Variants in DOK7 observed in about 807,000 individuals in gnomAD.
The protein encoded by DOK7 is docking protein 7, also known as protein Dok-7.
DOK7 carries 32 observed loss-of-function variants against 30.7 expected under a neutral mutation model. That is an observed-to-expected ratio of 1.04 (90% CI 0.79 to 1.40). The LOEUF (loss-of-function observed/expected upper bound fraction) is 1.40. Ranked by LOEUF, DOK7 falls within the 40% of genes most tolerant of loss-of-function variation. The pLI is 0.00. For missense variants in DOK7, 1,007 were observed against 699.2 expected, an observed-to-expected ratio of 1.44 and a Z score of -4.97; for synonymous variants, 447 against 324.1, an observed-to-expected ratio of 1.38 and a Z score of -4.07.
chr4:3,485,857 G>A (rs770732525), intron 5 of DOK7, among the ~76,000 whole-genome samples, 199 bp downstream of exon 5: 116 of 152,272 alleles, frequency 7.6e-4, no homozygotes, highest in Admixed American at 2.0e-3. Flanking sequence ...AGAGCAGCGG[G>A]GGCTGGGCTC....
At chr4:3,486,663 G>A (rs986598533) in intron 5 of DOK7, among the ~76,000 whole-genome samples, 2 of 151,016 alleles carry the variant, frequency 1.3e-5, no homozygotes, top group South Asian at 2.1e-4. Flanking sequence ...TGGTGCAGCT[G>A]CACCCCTGTA....
At chr4:3,474,829 A>T (rs1011294709) in intron 3 of DOK7, among the ~76,000 whole-genome samples, 7 of 152,004 alleles carry the variant, frequency 4.6e-5, no homozygotes, top group African/African-American at 7.3e-5. Flanking sequence ...CTCAAAAAAA[A>T]AAGAGCTGGG....
downstream of DOK7, chr4:3,496,976 C>T: frequency 1.2e-6 from 1 of 861,582 alleles, no homozygotes; most frequent in Non-Finnish European, 1.7e-6. Context: ...GTGGGGGGCC[C>T]ACTGCCAGCA....
chr4:3,483,600 G>A (rs986095505), intron 4 of DOK7, among the ~76,000 whole-genome samples: 4 of 152,208 alleles, frequency 2.6e-5, no homozygotes, highest in African/African-American at 4.8e-5. Context: ...GGTGAGTGAC[G>A]CTCCGCAGAC....
At chr4:3,474,128 C>T (rs1193428890) in intron 3 of DOK7, among the ~76,000 whole-genome samples, 2 of 152,146 alleles carry the variant, frequency 1.3e-5, no homozygotes, top group Non-Finnish European at 2.9e-5. Flanking sequence ...CAGTCCCAGC[C>T]CTGCAGGGGC....
rs1279262447 is a variant in DOK7, at chr4:3,492,977, G to A, written c.991G>A (p.Gly331Ser). 2.6e-6 allele frequency: 4 copies of A among 1,553,860 alleles called. No homozygotes were observed. The highest frequency in any genetic ancestry group is 2.7e-5 in the African/African-American group (2 of 73,810). ...GCGTCCGCGGCAGCTGCAGGAGGTT[G>A]GCCGCCAGAGCTCCTCGGACAGCGG... ...PLRPRQLQEV[G>S]RQSSSDSGIA... The change falls in exon 7 of 7, where the codon GGC (glycine) becomes AGC (serine). Residue 331 changes from glycine (G) to serine (S), a missense_variant. Transcript: ENST00000340083.
intron 3 of DOK7, 109 bp from the exon 4 acceptor site, chr4:3,476,230 GCCC>G: frequency 3.7e-6 from 2 of 536,026 alleles, no homozygotes; most frequent in South Asian, 3.4e-5. Flanking sequence ...CGCCCCGCCT[GCCC>G]GTGATGCCCT....
chr4:3,496,363 A>G (rs900706770), downstream of DOK7, among the ~76,000 whole-genome samples: 4 of 147,044 alleles, frequency 2.7e-5, no homozygotes, highest in African/African-American at 9.7e-5. Flanking sequence ...AGCTGCAGAG[A>G]GCAGGGCCCA....
At position 3,463,315 on chromosome 4, in the gene DOK7, T is replaced by A. The variant is rs1645702887; in HGVS notation, c.-61T>A. On this transcript the variant is annotated 5_prime_UTR_variant, in exon 1 of 7. Transcript: ENST00000340083. ...CAGCCCAGGGCCCTGCGAGCTATTT[T>A]GAAAGTGACCCTGGGCTGGGGCGCC... is the stretch of plus-strand genomic sequence containing the variant. 2.2e-6 allele frequency: 3 copies of A among 1,391,558 alleles called. No individual in the cohort carries two copies. The highest frequency in any genetic ancestry group is 2.8e-6 in the Non-Finnish European group (3 of 1,082,994). 86.2% of individuals were successfully genotyped at this position (1,391,558 alleles called of 1,614,324 possible). A position where few individuals can be genotyped will look rare whatever the true frequency, so the allele number is the denominator to read the frequency against.
intron 2 of DOK7, among the ~76,000 whole-genome samples, chr4:3,468,201 AGT>A (rs60835107): frequency 0.19 from 27,725 of 143,232 alleles, 2,794 homozygotes; most frequent in South Asian, 0.35. Flanking sequence ...TGTGTGCACA[AGT>A]GTGTGTGTGT....
downstream of DOK7, among the ~76,000 whole-genome samples, chr4:3,498,361 G>A (rs1293671530): frequency 3.3e-5 from 5 of 152,110 alleles, no homozygotes; most frequent in Admixed American, 6.5e-5. Context: ...GACTCCGGGT[G>A]GTGTTGGGAA....
chr4:3,494,041 A>C lies in DOK7; in HGVS notation c.*540A>C. 1.0e-6 allele frequency: 1 copy of C among 988,174 alleles called. No individual in the cohort carries two copies. Among genetic ancestry groups the C allele is most frequent in the Non-Finnish European group, 1.2e-6 (1 of 831,978 alleles). 61.2% of individuals were successfully genotyped at this position (988,174 alleles called of 1,614,324 possible). On this transcript the variant is annotated 3_prime_UTR_variant, in exon 7 of 7. Coordinates refer to ENST00000340083, the MANE Select transcript of DOK7 (RefSeq NM_173660.5). ...GGGCCTCATCCCCATCTATGGGAGGAAACTGAAGCTCAGGAGGCTGTGTGG... is the reference window on the plus strand; with the variant it reads ...GGGCCTCATCCCCATCTATGGGAGGCAACTGAAGCTCAGGAGGCTGTGTGG...
At chr4:3,476,056 C>T (rs1314507093) in intron 3 of DOK7, among the ~76,000 whole-genome samples, 3 of 151,424 alleles carry the variant, frequency 2.0e-5, no homozygotes, top group African/African-American at 4.9e-5. Context: ...CCAGCCTGGC[C>T]CCTGCCCCTG....
chr4:3,466,065 C>T (rs890360358), intron 2 of DOK7, among the ~76,000 whole-genome samples: 8 of 152,296 alleles, frequency 5.3e-5, no homozygotes, highest in Admixed American at 3.3e-4. Flanking sequence ...GAAAAGCCAC[C>T]GGGAGGGCCC....
At chr4:3,475,601 G>A (rs955935292) in intron 3 of DOK7, among the ~76,000 whole-genome samples, 2 of 152,198 alleles carry the variant, frequency 1.3e-5, no homozygotes, top group African/African-American at 4.8e-5. Context: ...CTCAGGGTTT[G>A]GGTGAATGGC....
At chr4:3,479,969 C>A (rs1489656878) in intron 4 of DOK7, among the ~76,000 whole-genome samples, 1 of 152,274 alleles carries the variant, frequency 6.6e-6, no homozygotes, top group East Asian at 1.9e-4. Context: ...TCCAGCCTCA[C>A]ACACGGGCAA....
intron 2 of DOK7, among the ~76,000 whole-genome samples, chr4:3,470,268 A>G (rs948518157): frequency 6.6e-6 from 1 of 152,208 alleles, no homozygotes; most frequent in Non-Finnish European, 1.5e-5. Context: ...TGCTGCGTTC[A>G]GACAATCCAG....
chr4:3,478,200 G>A (rs894898986), intron 4 of DOK7, among the ~76,000 whole-genome samples: 3 of 152,220 alleles, frequency 2.0e-5, no homozygotes, highest in African/African-American at 7.2e-5. Flanking sequence ...GGGCACAGCA[G>A]GAGGACCCGT....
intron 6 of DOK7, 30 bp from the exon 7 acceptor site, chr4:3,492,729 C>A (rs971287689): frequency 3.7e-6 from 6 of 1,610,970 alleles, no homozygotes; most frequent in African/African-American, 1.3e-5. Flanking sequence ...TGTACCCCCA[C>A]AACTGCCTTG....
Sources: allele counts gnomAD v4.1 joint callset (sites outside exome capture counted in the v4.1 genomes callset), GRCh38; gene constraint gnomAD v4.1.1; transcripts MANE v1.5; gene names NCBI Gene and HGNC (gene_info 2026-07-23, HGNC 2026-07-21).